Variants in CTNNA2 observed in about 807,000 individuals in gnomAD.
The protein encoded by CTNNA2 is catenin alpha 2, also known as catenin alpha-2.
In CTNNA2, 42 loss-of-function variants were observed where a neutral mutation model predicts 101.0. That is an observed-to-expected ratio of 0.42 (90% CI 0.32 to 0.54). The LOEUF (loss-of-function observed/expected upper bound fraction) is 0.54, where lower values mean the gene tolerates loss of function less well. Ranked by LOEUF, CTNNA2 falls within the 20% of genes least tolerant of loss-of-function variation. The probability of loss-of-function intolerance (pLI) is 0.14; values close to 1 mark genes in which losing one functional copy is unlikely to be tolerated. For synonymous variants in CTNNA2, 450 were observed against 456.4 expected (o/e 0.99, Z 0.18); for missense variants, 871 against 1,223.1 (o/e 0.71, Z 4.29).
At chr2:79,567,996 G>A (rs1228332795) in intron 1 of CTNNA2, among the ~76,000 whole-genome samples, 1 of 152,108 alleles carries the variant, frequency 6.6e-6, no homozygotes, top group African/African-American at 2.4e-5. Flanking sequence ...CTTGACCACA[G>A]GAGGACACCG....
At chr2:79,264,341 G>A (rs1326739016) in intron 2 of CTNNA2, among the ~76,000 whole-genome samples, 1 of 152,084 alleles carries the variant, frequency 6.6e-6, no homozygotes, top group Non-Finnish European at 1.5e-5. Context: ...TTTAAAATAC[G>A]CATTTTTTAA....
chr2:80,559,878 T>TATCTATCTATCTATATATA (rs1693393440), intron 12 of CTNNA2, among the ~76,000 whole-genome samples: 4 of 113,934 alleles, frequency 3.5e-5, no homozygotes, highest in African/African-American at 1.2e-4. Flanking sequence ...GATATCATAT[T>TATCTATCTATCTATATATA]TATATATATA....
intron 18 of CTNNA2, among the ~76,000 whole-genome samples, 198 bp downstream of exon 18, chr2:80,619,426 A>G (rs1670865754): frequency 1.3e-5 from 2 of 151,944 alleles, no homozygotes; most frequent in South Asian, 4.1e-4. Context: ...ATTGTGGTCT[A>G]AACTTGAGAA....
At chr2:79,353,447 G>T (rs1677436611) in intron 3 of CTNNA2, among the ~76,000 whole-genome samples, 1 of 152,138 alleles carries the variant, frequency 6.6e-6, no homozygotes, top group South Asian at 2.1e-4. Context: ...GTGCAGGAGA[G>T]AATTGTTTTT....
chr2:79,426,797 C>G (rs1678596544), intron 4 of CTNNA2, among the ~76,000 whole-genome samples: 3 of 152,056 alleles, frequency 2.0e-5, no homozygotes, highest in Non-Finnish European at 4.4e-5. Context: ...TCATTCAGGT[C>G]AATAAAATTT....
At chr2:79,948,707 G>T (rs1292772827) in intron 7 of CTNNA2, among the ~76,000 whole-genome samples, 1 of 152,128 alleles carries the variant, frequency 6.6e-6, no homozygotes, top group Non-Finnish European at 1.5e-5. Context: ...GGTGGCTCAC[G>T]CCTGTAATCT....
At chr2:79,801,853 G>A (rs13382994) in intron 3 of CTNNA2, among the ~76,000 whole-genome samples, 13,982 of 151,724 alleles carry the variant, frequency 0.092, 943 homozygotes, top group East Asian at 0.37. Context: ...TTAGCCAGGC[G>A]TGGTGGCACA....
chr2:79,368,397 T>C (rs1017556523), intron 3 of CTNNA2, among the ~76,000 whole-genome samples: 12 of 152,226 alleles, frequency 7.9e-5, no homozygotes, highest in Non-Finnish European at 1.2e-4. Flanking sequence ...CTTCTTAGAA[T>C]TCCCTTCTGC....
intron 1 of CTNNA2, among the ~76,000 whole-genome samples, chr2:79,644,631 A>G (rs77825856): frequency 0.012 from 1,795 of 152,242 alleles, 50 homozygotes; most frequent in African/African-American, 0.039. Context: ...CTCTCACCAT[A>G]TAAGACCAAT....
chr2:79,870,532 C>T (rs1398105957), intron 5 of CTNNA2, among the ~76,000 whole-genome samples: 1 of 152,050 alleles, frequency 6.6e-6, no homozygotes, highest in Admixed American at 6.6e-5. Flanking sequence ...GTGAGTCACT[C>T]TCATGATGCT....
At chr2:79,463,833 C>T (rs763838127) in intron 4 of CTNNA2, among the ~76,000 whole-genome samples, 6 of 152,084 alleles carry the variant, frequency 3.9e-5, no homozygotes, top group East Asian at 1.9e-4. Flanking sequence ...AGCACTCTAG[C>T]GCCACTTATT....
At chr2:79,968,636 C>G (rs936176472) in intron 7 of CTNNA2, among the ~76,000 whole-genome samples, 1 of 152,066 alleles carries the variant, frequency 6.6e-6, no homozygotes, top group Non-Finnish European at 1.5e-5. Context: ...GTAAGACCCT[C>G]AACTCTGCAA....
intron 7 of CTNNA2, among the ~76,000 whole-genome samples, chr2:80,313,042 T>C (rs1241954273): frequency 6.6e-6 from 1 of 152,210 alleles, no homozygotes; most frequent in Non-Finnish European, 1.5e-5. Context: ...AAATTAAATA[T>C]AAAAACCTCT....
rs150165864 is a variant in CTNNA2 at position 80,345,420 on chromosome 2, C to A, written c.1057-47791C>A. 2.3e-3 allele frequency among the ~76,000 whole-genome samples: 348 copies of A among 152,262 alleles called. 2 individuals are homozygous for A. The highest frequency in any genetic ancestry group is 7.9e-3 in the African/African-American group (329 of 41,546). On this transcript the variant is annotated intron_variant, in intron 7 of 18. Coordinates refer to ENST00000402739, the MANE Select transcript of CTNNA2 (RefSeq NM_001282597.3). Reference sequence around the variant, plus strand: ...CTCAAGTGGCACCTCCTCCATAAGACCTTCCTTGTCTGTACTGTTCTAAAT... The same window carrying A: ...CTCAAGTGGCACCTCCTCCATAAGAACTTCCTTGTCTGTACTGTTCTAAAT...
chr2:80,553,938 G>A (rs905188557), intron 11 of CTNNA2, among the ~76,000 whole-genome samples: 3 of 152,214 alleles, frequency 2.0e-5, no homozygotes, highest in Non-Finnish European at 4.4e-5. Flanking sequence ...GATTTGGGAA[G>A]TACTACTTTT....
chr2:79,892,041 A>C (rs1029916001), intron 6 of CTNNA2, among the ~76,000 whole-genome samples: 1 of 152,120 alleles, frequency 6.6e-6, no homozygotes, highest in African/African-American at 2.4e-5. Flanking sequence ...ACTATTGTTA[A>C]TATTTTATCA....
chr2:80,077,422 A>G (rs1698830327), intron 7 of CTNNA2, among the ~76,000 whole-genome samples: 1 of 152,120 alleles, frequency 6.6e-6, no homozygotes. Flanking sequence ...TATTCACAAG[A>G]TGAAGTATTA....
At chr2:80,444,374 T>TA (rs1682886679) in intron 9 of CTNNA2, among the ~76,000 whole-genome samples, 1 of 152,132 alleles carries the variant, frequency 6.6e-6, no homozygotes, top group Admixed American at 6.5e-5. Context: ...GAAGACAATA[T>TA]AAAAAATTAT....
chr2:79,931,234 T>G (rs1352708639), intron 7 of CTNNA2, among the ~76,000 whole-genome samples: 1 of 152,218 alleles, frequency 6.6e-6, no homozygotes, highest in Admixed American at 6.5e-5. Flanking sequence ...TAAGTTGTAG[T>G]TTTATATCAT....
Sources: allele counts gnomAD v4.1 joint callset (sites outside exome capture counted in the v4.1 genomes callset), GRCh38; gene constraint gnomAD v4.1.1; transcripts MANE v1.5; gene names NCBI Gene and HGNC (gene_info 2026-07-23, HGNC 2026-07-21).